Variants in TRMT44 observed in about 807,000 individuals in gnomAD.
TRMT44 encodes the protein tRNA methyltransferase 44 homolog, also known as probable tRNA (uracil-O(2)-)-methyltransferase.
Under a neutral mutation model 77.3 loss-of-function variants are expected in TRMT44, and 78 were observed. That is an observed-to-expected ratio of 1.01 (90% CI 0.84 to 1.22). TRMT44 has a LOEUF of 1.22. TRMT44 is among the 50% of genes most tolerant of loss of function. The probability of loss-of-function intolerance (pLI) is 0.00; values close to 1 mark genes in which losing one functional copy is unlikely to be tolerated. For missense variants in TRMT44, 1,090 were observed against 964.4 expected, an observed-to-expected ratio of 1.13 and a Z score of -1.73; for synonymous variants, 391 against 383.3, an observed-to-expected ratio of 1.02 and a Z score of -0.23.
In TRMT44 at chr4:8,440,939, CG is replaced by C; in HGVS notation, c.119del (p.Gly40AlafsTer82). The C allele has an allele frequency of 3.9e-6, 6 of 1,529,598 alleles. No homozygotes were observed. The highest frequency in any genetic ancestry group is 5.2e-6 in the Non-Finnish European group (6 of 1,145,152). The allele number at this position is 1,529,598 out of a possible 1,614,324, so 94.8% of individuals were successfully genotyped here. Reference sequence around the variant, plus strand: ...CGCAGGTGGCAAACAAACGGCTTTGCGGCGCCCGCCTGGAGGCCCGCTGGAG... The same window carrying C: ...CGCAGGTGGCAAACAAACGGCTTTGCGCGCCCGCCTGGAGGCCCGCTGGAG... ...RPQVANKRLCGARLEARWSAA... is the reference protein window; with the variant it reads ...RPQVANKRLCXARLEARWSAA... On this transcript the variant is annotated frameshift_variant, in exon 1 of 11. Transcript: ENST00000389737. LOFTEE classifies it high-confidence loss of function.
downstream of TRMT44, among the ~76,000 whole-genome samples, chr4:8,495,663 A>G (rs1728129326): frequency 6.6e-6 from 1 of 152,210 alleles, no homozygotes; most frequent in South Asian, 2.1e-4. Flanking sequence ...TTCCAGAATC[A>G]GGAGCAGGCA....
At chr4:8,481,927 T>C (rs527460221) in intron 2 of TRMT44, among the ~76,000 whole-genome samples, 36 of 152,348 alleles carry the variant, frequency 2.4e-4, no homozygotes, top group Middle Eastern at 3.4e-3. Context: ...GCCATGGTGA[T>C]GTGCTTGGTT....
the TRMT44 span, among the ~76,000 whole-genome samples, chr4:8,506,167 C>T: frequency 6.6e-6 from 1 of 152,200 alleles, no homozygotes; most frequent in Non-Finnish European, 1.5e-5. Context: ...TCCCTGCTCT[C>T]ATGGGGACAT....
chr4:8,458,254 A>G (rs1005630493), intron 6 of TRMT44, among the ~76,000 whole-genome samples: 1 of 152,172 alleles, frequency 6.6e-6, no homozygotes, highest in Non-Finnish European at 1.5e-5. Context: ...TATTTCATGA[A>G]GTTACACTGA....
At position 8,465,384 on chromosome 4, in the gene TRMT44, C is replaced by T. The variant is rs1186945113; in HGVS notation, c.1317C>T (p.Ser439=). The T allele has an allele frequency of 1.2e-6, 2 of 1,610,650 alleles. No homozygotes were observed. Among genetic ancestry groups the T allele is most frequent in the African/African-American group, 2.7e-5 (2 of 74,830 alleles). ...TTGTTGGTTCTTTTTGAAGGTCTTC[C>T]TACAATTGCCGCTTCTTTGTCCTCC... ...PWIPVIAARS[S]YNCRFFVLPC... Residue 439 remains serine (S), a synonymous_variant, in exon 8 of 11, where the codon TCC becomes TCT. Transcript: ENST00000389737.
At chr4:8,515,912 T>G in the TRMT44 span, among the ~76,000 whole-genome samples, 257 of 152,308 alleles carry the variant, frequency 1.7e-3, 1 homozygote, top group Middle Eastern at 0.01. Context: ...AAGTGGGAAG[T>G]GCCTGAAAAT....
chr4:8,453,127 A>G, intron 5 of TRMT44, 138 bp downstream of exon 5: 1 of 508,952 alleles, frequency 2.0e-6, no homozygotes, highest in Non-Finnish European at 3.4e-6. Context: ...GTAGAGACTT[A>G]TAAATTTCTG....
At position 8,446,993 on chromosome 4, in the gene TRMT44, C is replaced by G. The variant is rs1725099965; in HGVS notation, c.734+403C>G. Among the ~76,000 whole-genome samples the G allele has an allele frequency of 1.3e-5, 2 of 152,170 alleles. No individual in the cohort carries two copies. Among genetic ancestry groups the G allele is most frequent in the African/African-American group, 2.4e-5 (1 of 41,436 alleles). On this transcript the variant is annotated intron_variant, in intron 2 of 10. Transcript: ENST00000389737. This position sits in a 1 kb window ranked among gnomAD's most constrained non-coding sequence, Gnocchi z 4.3. The stretch of plus-strand genomic sequence containing the variant: ...CTCTACCTCCTGCATTTAAGTGATT[C>G]TCGTGCCTCAGTCTGCACAGTACAG...
At chr4:8,513,224 G>T in the TRMT44 span, among the ~76,000 whole-genome samples, 1 of 152,192 alleles carries the variant, frequency 6.6e-6, no homozygotes, top group African/African-American at 2.4e-5. Flanking sequence ...CATGGCTATG[G>T]AGACCTCACA....
At chr4:8,489,846 C>G (rs1359345869) in intron 2 of TRMT44, among the ~76,000 whole-genome samples, 1 of 152,140 alleles carries the variant, frequency 6.6e-6, no homozygotes, top group Non-Finnish European at 1.5e-5. Flanking sequence ...TAATGGAAGG[C>G]CGTCAGACTG....
downstream of TRMT44, among the ~76,000 whole-genome samples, chr4:8,495,450 T>A (rs1177852989): frequency 1.3e-5 from 2 of 152,214 alleles, no homozygotes; most frequent in African/African-American, 4.8e-5. Flanking sequence ...CCTTTGTTTT[T>A]CACCCTCCAG....
At chr4:8,502,293 G>T in the TRMT44 span, among the ~76,000 whole-genome samples, 1 of 152,248 alleles carries the variant, frequency 6.6e-6, no homozygotes, top group Admixed American at 6.5e-5. Flanking sequence ...CCTTCTTCCT[G>T]TTGGTGTTTG....
At chr4:8,469,752 G>A (rs994561437) in intron 9 of TRMT44, among the ~76,000 whole-genome samples, 1 of 152,232 alleles carries the variant, frequency 6.6e-6, no homozygotes. Context: ...GACTCTCCAC[G>A]TGGCCTTGGC....
chr4:8,506,271 C>T, the TRMT44 span, among the ~76,000 whole-genome samples: 3 of 152,258 alleles, frequency 2.0e-5, no homozygotes, highest in African/African-American at 7.2e-5. Context: ...CTGTGCCCTG[C>T]TGACACTGCT....
At chr4:8,448,866 G>A (rs895986817) in intron 2 of TRMT44, among the ~76,000 whole-genome samples, 2 of 152,216 alleles carry the variant, frequency 1.3e-5, no homozygotes, top group African/African-American at 4.8e-5. Flanking sequence ...GAGGCCCTCC[G>A]GCTCTGCCCC....
rs544133255 is a variant in TRMT44 at position 8,454,242 on chromosome 4, C to CAACTCCATGTCCCATCTTG, written c.1132-483_1132-465dup. Among the ~76,000 whole-genome samples, 938 of 152,294 alleles carry CAACTCCATGTCCCATCTTG rather than the reference C, an allele frequency of 6.2e-3. 13 individuals are homozygous for CAACTCCATGTCCCATCTTG. The highest frequency in any genetic ancestry group is 0.021 in the African/African-American group (884 of 41,536). ...CACACTAAAGGCCACTGTGGTCACT[C>CAACTCCATGTCCCATCTTG]AACTCCATGTCCCATCTTGAACTCC... On this transcript the variant is annotated intron_variant, in intron 5 of 10. Transcript: ENST00000389737.
intron 2 of TRMT44, among the ~76,000 whole-genome samples, chr4:8,490,921 T>C (rs1326870164): frequency 6.6e-6 from 1 of 152,106 alleles, no homozygotes; most frequent in East Asian, 1.9e-4. Context: ...ATCAGATTAG[T>C]TAGATACAGA....
rs557005956 is a variant in TRMT44, at chr4:8,489,562, C to T, written n.3892-3704C>T. On this transcript the variant is annotated intron_variant and non_coding_transcript_variant, in intron 2 of 2. Transcript: ENST00000511366. ...CACAATCTCGGCTCACTGCAACCTC[C>T]GCCTCCCAGGTTCAAGCGATTCTCC... 6.6e-5 allele frequency among the ~76,000 whole-genome samples: 10 copies of T among 152,242 alleles called. 1 individual carries two copies. Among genetic ancestry groups the T allele is most frequent in the East Asian group, 5.8e-4 (3 of 5,186 alleles).
rs1162631679 is a variant in TRMT44 at position 8,491,470 on chromosome 4, G to C, written n.3892-1796G>C. The stretch of plus-strand genomic sequence containing the variant: ...TGCCGTGGAGCAGGGGGTGGTGCTC[G>C]TCGGGGAGGCTCGGGCCGCACAGGA... On this transcript the variant is annotated intron_variant and non_coding_transcript_variant, in intron 2 of 2. Transcript: ENST00000511366. 2.6e-5 allele frequency among the ~76,000 whole-genome samples: 4 copies of C among 152,360 alleles called. No homozygotes were observed. The East Asian group carries it at 5.8e-4, about 22-fold the overall frequency.
Sources: gnomAD v4.1 joint callset for allele counts (sites outside exome capture counted in the v4.1 genomes callset) on GRCh38, gnomAD v4.1.1 for gene constraint, Gnocchi (gnomAD v3.1) non-coding constraint, MANE v1.5 for transcripts, NCBI Gene and HGNC (gene_info 2026-07-23, HGNC 2026-07-21) for gene names.